Variants in MLLT3 observed in about 807,000 individuals in gnomAD.
The protein encoded by MLLT3 is MLLT3 super elongation complex subunit, also known as protein AF-9.
Under a neutral mutation model 53.2 loss-of-function variants are expected in MLLT3, and 4 were observed. That is an observed-to-expected ratio of 0.08 (90% CI 0.04 to 0.17). MLLT3 has a LOEUF of 0.17. MLLT3 is among the 10% of genes least tolerant of loss of function. The pLI, the probability that MLLT3 is intolerant of heterozygous loss-of-function variation, is 1.00. For missense variants in MLLT3, 569 were observed against 684.0 expected, an observed-to-expected ratio of 0.83 and a Z score of 1.87; for synonymous variants, 283 against 230.6, an observed-to-expected ratio of 1.23 and a Z score of -2.06.
intron 4 of MLLT3, among the ~76,000 whole-genome samples, chr9:20,439,758 A>AT (rs1233898700): frequency 1.3e-5 from 2 of 152,184 alleles, no homozygotes; most frequent in African/African-American, 4.8e-5. Context: ...CAAAATATAG[A>AT]TTTTCAGTGG....
chr9:20,509,613 G>T (rs527465882), intron 2 of MLLT3, among the ~76,000 whole-genome samples: 1 of 152,254 alleles, frequency 6.6e-6, no homozygotes, highest in African/African-American at 2.4e-5. Context: ...AATACTGTAT[G>T]ATACCATGTT....
rs564196315 is a variant in MLLT3, at chr9:20,496,206, T to A, written c.194-39420A>T. Among the ~76,000 whole-genome samples the A allele has an allele frequency of 2.0e-5, 3 of 152,164 alleles. No individual in the cohort carries two copies. The South Asian group carries it at 6.2e-4, about 32-fold the overall frequency. ...TTCTAAACAGAGCCCTAAAGTAAATTAAATCTTTAGAAAAACACACTTTTT... is the reference window on the plus strand; with the variant it reads ...TTCTAAACAGAGCCCTAAAGTAAATAAAATCTTTAGAAAAACACACTTTTT... On this transcript the variant is annotated intron_variant, in intron 2 of 10. Coordinates refer to ENST00000380338, the MANE Select transcript of MLLT3 (RefSeq NM_004529.4).
intron 2 of MLLT3, among the ~76,000 whole-genome samples, chr9:20,593,437 G>C (rs1015096614): frequency 6.6e-6 from 1 of 152,166 alleles, no homozygotes; most frequent in African/African-American, 2.4e-5. Flanking sequence ...ATCAAAGCCA[G>C]TTTTAAAAGC....
intron 2 of MLLT3, among the ~76,000 whole-genome samples, chr9:20,553,045 A>G (rs1206651773): frequency 1.3e-5 from 2 of 152,234 alleles, no homozygotes. Context: ...ACTACAGAAC[A>G]TATGAGAATC....
intron 2 of MLLT3, among the ~76,000 whole-genome samples, chr9:20,470,587 T>C (rs1229064775): frequency 6.6e-6 from 1 of 152,024 alleles, no homozygotes; most frequent in East Asian, 1.9e-4. Flanking sequence ...TGAATAAGCT[T>C]TACCTACCTT....
At chr9:20,402,328 G>A (rs564450118) in intron 5 of MLLT3, among the ~76,000 whole-genome samples, 1 of 152,290 alleles carries the variant, frequency 6.6e-6, no homozygotes, top group East Asian at 1.9e-4. Context: ...ATGTCCATCA[G>A]AGAAAGAAAG....
chr9:20,477,447 A>C (rs550548061), intron 2 of MLLT3, among the ~76,000 whole-genome samples: 3 of 152,242 alleles, frequency 2.0e-5, no homozygotes, highest in African/African-American at 7.2e-5. Flanking sequence ...CCAACTAAAA[A>C]TCTTTGAAAG....
chr9:20,586,013 G>A (rs907144868), intron 2 of MLLT3, among the ~76,000 whole-genome samples: 2 of 152,134 alleles, frequency 1.3e-5, no homozygotes, highest in African/African-American at 4.8e-5. Context: ...CAACCAGAAA[G>A]CCTCTTAAAG....
At chr9:20,581,170 T>C (rs1046543284) in intron 2 of MLLT3, among the ~76,000 whole-genome samples, 1 of 152,136 alleles carries the variant, frequency 6.6e-6, no homozygotes, top group Non-Finnish European at 1.5e-5. Context: ...GTCTTAAATA[T>C]AGCAAAGTTC....
intron 2 of MLLT3, among the ~76,000 whole-genome samples, chr9:20,521,422 G>C (rs892500649): frequency 2.0e-5 from 3 of 151,244 alleles, no homozygotes; most frequent in Non-Finnish European, 2.9e-5. Flanking sequence ...CTCAAAAAAA[G>C]AGTCTCCTGC....
chr9:20,485,239 T>C (rs1824778346), intron 2 of MLLT3, among the ~76,000 whole-genome samples: 3 of 152,320 alleles, frequency 2.0e-5, no homozygotes, highest in South Asian at 2.1e-4. Context: ...TCCGCCCGCC[T>C]TGGCCTCCCA....
At chr9:20,490,987 C>T (rs1360935008) in intron 2 of MLLT3, among the ~76,000 whole-genome samples, 7 of 152,020 alleles carry the variant, frequency 4.6e-5, no homozygotes, top group African/African-American at 1.7e-4. Context: ...GACTAAATTT[C>T]ACTCAACAGG....
chr9:20,580,410 C>T (rs888991890), intron 2 of MLLT3, among the ~76,000 whole-genome samples: 16 of 151,804 alleles, frequency 1.1e-4, no homozygotes, highest in Non-Finnish European at 7.4e-5. Flanking sequence ...TTGAAAAATA[C>T]CCTTGCACAG....
Position 20,621,920 on chromosome 9 carries a change from T to TGTGTGG in MLLT3, c.12+324_12+325insCCACAC. The TGTGTGG allele has an allele frequency of 7.3e-7, 1 of 1,377,566 alleles. No individual in the cohort carries two copies. The allele number at this position is 1,377,566 out of a possible 1,614,324, so 85.3% of individuals were successfully genotyped here. On this transcript the variant is annotated intron_variant, in intron 1 of 10. Transcript: ENST00000380338. The surrounding 1 kb of genome is among the most constrained non-coding windows in gnomAD (Gnocchi z 7.0). ...CTTCCACCGTGTGTGTGTGTGTGTG[T>TGTGTGG]GAGTGCGCGCGTGTGAGCGAGAGGG...
chr9:20,346,244 C>CCT lies in MLLT3; in HGVS notation c.*197_*198dup. On this transcript the variant is annotated 3_prime_UTR_variant, in exon 11 of 11. Transcript: ENST00000380338. ...GTCCGCTGAGGCTGGTTTGCTTTAACCTCTCCTTTATCAAGAGATGATGAC... is the reference window on the plus strand; with the variant it reads ...GTCCGCTGAGGCTGGTTTGCTTTAACCTCTCTCCTTTATCAAGAGATGATGAC... 1.8e-6 allele frequency: 1 copy of CCT among 547,614 alleles called. No homozygotes were observed. The highest frequency in any genetic ancestry group is 1.9e-5 in the African/African-American group (1 of 52,380). 33.9% of individuals were successfully genotyped at this position (547,614 alleles called of 1,614,324 possible).
chr9:20,586,573 G>C (rs1485982011), intron 2 of MLLT3, among the ~76,000 whole-genome samples: 1 of 152,096 alleles, frequency 6.6e-6, no homozygotes, highest in Admixed American at 6.5e-5. Flanking sequence ...CAGAAGTTAG[G>C]TATGCAGCTG....
intron 2 of MLLT3, among the ~76,000 whole-genome samples, chr9:20,525,921 T>C (rs768501670): frequency 1.3e-5 from 2 of 152,216 alleles, no homozygotes; most frequent in Non-Finnish European, 2.9e-5. Flanking sequence ...ACATTTGTAC[T>C]GAGACCAAAA....
At chr9:20,467,069 T>G (rs556476555) in intron 2 of MLLT3, among the ~76,000 whole-genome samples, 1 of 152,310 alleles carries the variant, frequency 6.6e-6, no homozygotes, top group East Asian at 1.9e-4. Flanking sequence ...TTAACAGTTC[T>G]TTTCAAACTA....
At chr9:20,527,335 A>G (rs1321336965) in intron 2 of MLLT3, among the ~76,000 whole-genome samples, 1 of 152,206 alleles carries the variant, frequency 6.6e-6, no homozygotes, top group Non-Finnish European at 1.5e-5. Flanking sequence ...CTGGATTAAC[A>G]TAATTTCCTC....
Sources: allele counts gnomAD v4.1 joint callset (sites outside exome capture counted in the v4.1 genomes callset), GRCh38; gene constraint gnomAD v4.1.1; non-coding constraint Gnocchi (gnomAD v3.1); transcripts MANE v1.5; gene names NCBI Gene and HGNC (gene_info 2026-07-23, HGNC 2026-07-21).